TAFA5: variants seen among roughly 807,000 people sequenced by gnomAD.
TAFA5 encodes the protein TAFA chemokine like family member 5, also known as chemokine-like protein TAFA-5.
TAFA5 carries 6 observed loss-of-function variants against 15.3 expected under a neutral mutation model. The ratio of observed to expected loss-of-function variants is 0.39; its 90% confidence interval spans 0.21 to 0.77. The LOEUF is 0.77. Ranked by LOEUF, TAFA5 falls within the 30% of genes least tolerant of loss-of-function variation. The probability of loss-of-function intolerance (pLI) is 0.41; values close to 1 mark genes in which losing one functional copy is unlikely to be tolerated. For missense variants in TAFA5, 161 were observed against 193.1 expected (o/e 0.83, Z 0.98); for synonymous variants, 103 against 80.7 (o/e 1.28, Z -1.48).
rs1311454725 is a variant in TAFA5 at position 48,529,228 on chromosome 22, G to A, written c.112+39524G>A. On this transcript the variant is annotated intron_variant, in intron 1 of 3. Coordinates refer to ENST00000402357, the MANE Select transcript of TAFA5 (RefSeq NM_001082967.3). The stretch of plus-strand genomic sequence containing the variant: ...AAATGAGGATGTCCAGGCAGGAGAT[G>A]GGGGTGTTCAGGCAGGAGATGGGGG... 2.0e-5 allele frequency among the ~76,000 whole-genome samples: 3 copies of A among 148,224 alleles called. No individual in the cohort carries two copies. The East Asian group carries it at 6.2e-4, about 31-fold the overall frequency.
chr22:48,695,014 G>A (rs931997493), intron 2 of TAFA5, among the ~76,000 whole-genome samples: 4 of 151,896 alleles, frequency 2.6e-5, no homozygotes, highest in Non-Finnish European at 4.4e-5. Context: ...CACAGTGACC[G>A]TCCTCAGTGC....
chr22:48,542,915 T>C (rs531831079), intron 1 of TAFA5, among the ~76,000 whole-genome samples: 103 of 151,378 alleles, frequency 6.8e-4, no homozygotes, highest in Middle Eastern at 3.4e-3. Flanking sequence ...TATAGTGATA[T>C]GTGTACTGGT....
intron 2 of TAFA5, among the ~76,000 whole-genome samples, chr22:48,665,142 C>A (rs921895571): frequency 6.6e-6 from 1 of 152,150 alleles, no homozygotes; most frequent in Non-Finnish European, 1.5e-5. Flanking sequence ...GTTTCGTGGA[C>A]TTGGTTTTTT....
At chr22:48,684,266 G>A (rs6010585) in intron 2 of TAFA5, among the ~76,000 whole-genome samples, 15,079 of 151,978 alleles carry the variant, frequency 0.099, 2,469 homozygotes, top group African/African-American at 0.35. Flanking sequence ...CTCACAGGAC[G>A]GTGATCTTTG....
chr22:48,606,572 C>T (rs189218810), intron 1 of TAFA5, among the ~76,000 whole-genome samples: 1 of 152,316 alleles, frequency 6.6e-6, no homozygotes, highest in East Asian at 1.9e-4. Context: ...ATCTGTGGAA[C>T]TTACTTTCTT....
At position 48,611,987 on chromosome 22, in the gene TAFA5, C is replaced by T. The variant is rs73889171; in HGVS notation, c.113-34610C>T. Among the ~76,000 whole-genome samples the T allele has an allele frequency of 6.5e-3, 985 of 152,268 alleles. 6 individuals carry two copies. Among genetic ancestry groups the T allele is most frequent in the African/African-American group, 0.022 (931 of 41,560 alleles). Reference sequence around the variant, plus strand: ...GTTTACTGCTGTATGCCTCTCTGAGCCTCAGTTTCCTCACCTGTAATATAA... The same window carrying T: ...GTTTACTGCTGTATGCCTCTCTGAGTCTCAGTTTCCTCACCTGTAATATAA... On this transcript the variant is annotated intron_variant, in intron 1 of 3. Coordinates refer to ENST00000402357, the MANE Select transcript of TAFA5 (RefSeq NM_001082967.3).
intron 1 of TAFA5, among the ~76,000 whole-genome samples, chr22:48,645,780 G>A (rs1926838158): frequency 1.3e-5 from 2 of 152,072 alleles, no homozygotes; most frequent in African/African-American, 4.8e-5. Context: ...TGCACCCCTG[G>A]GGAGCATGTC....
intron 3 of TAFA5, among the ~76,000 whole-genome samples, chr22:48,741,376 C>A (rs1042951563): frequency 6.6e-6 from 1 of 152,230 alleles, no homozygotes; most frequent in African/African-American, 2.4e-5. Context: ...TTCCCCAGCA[C>A]CTCCTGCGTC....
At chr22:48,726,372 AGGG>A (rs1929714904) in intron 3 of TAFA5, among the ~76,000 whole-genome samples, 1 of 152,270 alleles carries the variant, frequency 6.6e-6, no homozygotes. Flanking sequence ...ACTTACATAC[AGGG>A]TAGAGAGGCT....
At chr22:48,705,453 C>T (rs1030377980) in intron 2 of TAFA5, among the ~76,000 whole-genome samples, 1 of 152,156 alleles carries the variant, frequency 6.6e-6, no homozygotes, top group African/African-American at 2.4e-5. Flanking sequence ...CCAGAGGGCC[C>T]CTGACCTCCC....
chr22:48,637,244 G>A lies in TAFA5; in HGVS notation c.113-9353G>A, dbSNP rs139490261. 1.7e-3 allele frequency among the ~76,000 whole-genome samples: 257 copies of A among 152,306 alleles called. 1 individual carries two copies. The highest frequency in any genetic ancestry group is 5.6e-3 in the African/African-American group (233 of 41,580). On this transcript the variant is annotated intron_variant, in intron 1 of 3. Coordinates refer to ENST00000402357, the MANE Select transcript of TAFA5 (RefSeq NM_001082967.3). ...TGTGTGTAAGGATCTGTGTGCATGCGTGTACCTCACTAAATGAGTGTGGCG... is the reference window on the plus strand; with the variant it reads ...TGTGTGTAAGGATCTGTGTGCATGCATGTACCTCACTAAATGAGTGTGGCG...
chr22:48,531,633 C>T (rs1921975937), intron 1 of TAFA5, among the ~76,000 whole-genome samples: 1 of 152,118 alleles, frequency 6.6e-6, no homozygotes, highest in Non-Finnish European at 1.5e-5. Context: ...ACCCTCCCTT[C>T]CTCGCCTGCA....
chr22:48,508,069 A>G (rs946868110), intron 1 of TAFA5, among the ~76,000 whole-genome samples: 1 of 151,778 alleles, frequency 6.6e-6, no homozygotes, highest in African/African-American at 2.4e-5. Context: ...CCGCTTGCAG[A>G]GAGGGGTTGC....
chr22:48,643,437 G>C (rs1309840391), intron 1 of TAFA5, among the ~76,000 whole-genome samples: 2 of 152,162 alleles, frequency 1.3e-5, no homozygotes, highest in Non-Finnish European at 2.9e-5. Context: ...TGGCTGGTTT[G>C]GGGACCGCCT....
intron 1 of TAFA5, among the ~76,000 whole-genome samples, chr22:48,519,577 G>A (rs1921533824): frequency 6.6e-6 from 1 of 152,120 alleles, no homozygotes; most frequent in Admixed American, 6.5e-5. Flanking sequence ...TGGCTGCTGG[G>A]CCACGAGAGA....
chr22:48,660,104 G>T (rs968717940), intron 2 of TAFA5, among the ~76,000 whole-genome samples: 3 of 151,836 alleles, frequency 2.0e-5, no homozygotes, highest in Non-Finnish European at 4.4e-5. Flanking sequence ...CACCCTTCTA[G>T]GGGGCTGGGT....
intron 2 of TAFA5, among the ~76,000 whole-genome samples, chr22:48,676,526 C>T (rs895696606): frequency 6.6e-6 from 1 of 151,974 alleles, no homozygotes; most frequent in Admixed American, 6.5e-5. Flanking sequence ...GCCTGGTGGT[C>T]GTTCAGGAGT....
intron 1 of TAFA5, among the ~76,000 whole-genome samples, chr22:48,512,576 A>C (rs67461768): frequency 0.19 from 28,068 of 151,610 alleles, 2,569 homozygotes; most frequent in Non-Finnish European, 0.2. Context: ...CCACTGGCTG[A>C]GATCACACCA....
intron 1 of TAFA5, among the ~76,000 whole-genome samples, chr22:48,562,022 A>T (rs1371447363): frequency 6.6e-6 from 1 of 152,186 alleles, no homozygotes. Context: ...CATAGTAGGA[A>T]CAGCCTGGCA....
Sources: gnomAD v4.1 joint callset for allele counts (sites outside exome capture counted in the v4.1 genomes callset) on GRCh38, gnomAD v4.1.1 for gene constraint, MANE v1.5 for transcripts, NCBI Gene and HGNC (gene_info 2026-07-23, HGNC 2026-07-21) for gene names.